Variants in PRR11 observed in about 807,000 individuals in gnomAD.
PRR11 encodes the protein proline-rich protein 11.
Under a neutral mutation model 45.6 loss-of-function variants are expected in PRR11, and 30 were observed. That is an observed-to-expected ratio of 0.66 (90% CI 0.49 to 0.89). PRR11 has a LOEUF of 0.89. PRR11 is among the 40% of genes least tolerant of loss of function. The pLI is 0.00. For missense variants in PRR11, 373 were observed against 424.8 expected, an observed-to-expected ratio of 0.88 and a Z score of 1.07; for synonymous variants, 128 against 153.5, an observed-to-expected ratio of 0.83 and a Z score of 1.23.
chr17:59,180,496 GT>G lies in PRR11; in HGVS notation c.129-4545del, dbSNP rs746347460. Reference sequence around the variant, plus strand: ...CTTCCTGACTTCTGGGCCCGTCCTTGTTTTTTTTTTTTTGTTTTTTTTGTTT... The same window carrying G: ...CTTCCTGACTTCTGGGCCCGTCCTTGTTTTTTTTTTTTGTTTTTTTTGTTT... On this transcript the variant is annotated intron_variant, in intron 2 of 9. Coordinates refer to ENST00000262293, the MANE Select transcript of PRR11 (RefSeq NM_018304.4). 5.1e-4 allele frequency among the ~76,000 whole-genome samples: 52 copies of G among 101,278 alleles called. 1 individual carries two copies. Among genetic ancestry groups the G allele is most frequent in the Admixed American group, 8.4e-4 (9 of 10,678 alleles). The allele number at this position is 101,278 out of a possible 152,430, so 66.4% of individuals were successfully genotyped here. A position where few individuals can be genotyped will look rare whatever the true frequency, so the allele number is the denominator to read the frequency against.
At chr17:59,177,218 C>T (rs546484145) in intron 2 of PRR11, 10 of 547,702 alleles carry the variant, frequency 1.8e-5, no homozygotes, top group Admixed American at 5.8e-5. Context: ...AAGAGGCCGG[C>T]GCGGCTAAAA....
intron 4 of PRR11, among the ~76,000 whole-genome samples, chr17:59,186,605 G>C (rs2046815690): frequency 6.7e-6 from 1 of 148,768 alleles, no homozygotes; most frequent in Non-Finnish European, 1.5e-5. Context: ...TTGTTGCCCA[G>C]GCTAGTCTCA....
chr17:59,200,674 A>G (rs1055018629), intron 9 of PRR11, among the ~76,000 whole-genome samples: 2 of 152,036 alleles, frequency 1.3e-5, no homozygotes, highest in Admixed American at 6.6e-5. Context: ...TTGTATTTTT[A>G]GTAGAGACAG....
intron 2 of PRR11, among the ~76,000 whole-genome samples, chr17:59,179,256 G>T (rs1040719371): frequency 6.6e-6 from 1 of 152,110 alleles, no homozygotes; most frequent in South Asian, 2.1e-4. Context: ...AAAGTGCTGG[G>T]ATTACAGGTT....
chr17:59,172,679 G>A (rs939696963), intron 2 of PRR11, among the ~76,000 whole-genome samples: 4 of 152,250 alleles, frequency 2.6e-5, no homozygotes, highest in Non-Finnish European at 4.4e-5. Context: ...AGCAGCTGCA[G>A]GGGGTGCGCG....
intron 2 of PRR11, chr17:59,174,936 C>T (rs2046735134): frequency 1.0e-6 from 1 of 953,166 alleles, no homozygotes; most frequent in African/African-American, 1.6e-5. Flanking sequence ...CCCACCTCCT[C>T]CACCTACCCC....
Position 59,202,380 on chromosome 17 carries a change from A to G in PRR11, c.*749A>G, listed in dbSNP as rs543567959. ...ATTCAAGACTAGCCTGGGCAACATA[A>G]TACAGGGAGACCCCGTTTCTATTAA... On this transcript the variant is annotated 3_prime_UTR_variant, in exon 10 of 10. Transcript: ENST00000262293. The G allele has an allele frequency of 2.6e-5, 4 of 152,182 alleles. No individual in the cohort carries two copies. Among genetic ancestry groups the G allele is most frequent in the South Asian group, 2.1e-4 (1 of 4,814 alleles). 9.4% of individuals were successfully genotyped at this position (152,182 alleles called of 1,614,324 possible).
At chr17:59,194,976 C>A in intron 6 of PRR11, 121 bp downstream of exon 6, 4 of 736,310 alleles carry the variant, frequency 5.4e-6, no homozygotes, top group Non-Finnish European at 9.1e-6. Context: ...GAGTTCAGGA[C>A]CAGCATGGGG....
chr17:59,173,502 C>T (rs1037102839), intron 2 of PRR11, among the ~76,000 whole-genome samples: 4 of 152,148 alleles, frequency 2.6e-5, no homozygotes, highest in Admixed American at 1.3e-4. Flanking sequence ...ACGAACCCAC[C>T]GGGAGGAACG....
chr17:59,170,814 A>G (rs1219848108), intron 2 of PRR11, among the ~76,000 whole-genome samples: 1 of 152,198 alleles, frequency 6.6e-6, no homozygotes, highest in Non-Finnish European at 1.5e-5. Flanking sequence ...AAAATGTCAC[A>G]TGACAGCAAA....
intron 1 of PRR11, among the ~76,000 whole-genome samples, chr17:59,157,435 C>T (rs1186688837): frequency 6.6e-6 from 1 of 152,200 alleles, no homozygotes; most frequent in Admixed American, 6.5e-5. Flanking sequence ...GGCATGGTGC[C>T]TCACACCTGT....
chr17:59,161,123 TAGGCC>T (rs2046650143), intron 1 of PRR11, among the ~76,000 whole-genome samples: 1 of 152,120 alleles, frequency 6.6e-6, no homozygotes, highest in Non-Finnish European at 1.5e-5. Context: ...AAAAAATACA[TAGGCC>T]AGGCATGGTG....
At chr17:59,175,623 T>C (rs1398976711) in intron 2 of PRR11, among the ~76,000 whole-genome samples, 1 of 152,116 alleles carries the variant, frequency 6.6e-6, no homozygotes, top group African/African-American at 2.4e-5. Context: ...CACCTCTTAG[T>C]CCTAGCTACG....
chr17:59,168,215 C>T (rs1475017976), intron 1 of PRR11, among the ~76,000 whole-genome samples: 1 of 151,756 alleles, frequency 6.6e-6, no homozygotes, highest in African/African-American at 2.4e-5. Context: ...GTCACCCAGG[C>T]TGGAGTGCAG....
chr17:59,158,846 C>T (rs936009503), intron 1 of PRR11, among the ~76,000 whole-genome samples: 2 of 152,048 alleles, frequency 1.3e-5, no homozygotes, highest in African/African-American at 4.8e-5. Flanking sequence ...TCACATTGGC[C>T]CACACCCAGG....
intron 5 of PRR11, among the ~76,000 whole-genome samples, chr17:59,194,131 TTACTTATTTAC>T: frequency 6.6e-6 from 1 of 152,102 alleles, no homozygotes; most frequent in South Asian, 2.1e-4. Context: ...TCTATTTCAG[TTACTTATTTAC>T]CAAGGGGACC....
At chr17:59,174,967 A>C in intron 2 of PRR11, 2 of 856,330 alleles carry the variant, frequency 2.3e-6, no homozygotes, top group Middle Eastern at 2.5e-4. Flanking sequence ...ACCTCCTCCA[A>C]CTACTCCAGG....
At chr17:59,171,824 A>T (rs2046710402) in intron 2 of PRR11, among the ~76,000 whole-genome samples, 1 of 152,106 alleles carries the variant, frequency 6.6e-6, no homozygotes, top group Non-Finnish European at 1.5e-5. Context: ...AATAGAAGAG[A>T]TTATTATGTA....
intron 4 of PRR11, among the ~76,000 whole-genome samples, chr17:59,189,073 T>C (rs1257573427): frequency 4.6e-5 from 7 of 151,698 alleles, no homozygotes; most frequent in Non-Finnish European, 7.4e-5. Context: ...CCAAGGTGGT[T>C]GGATCACTTG....
Sources: allele counts gnomAD v4.1 joint callset (sites outside exome capture counted in the v4.1 genomes callset), GRCh38; gene constraint gnomAD v4.1.1; transcripts MANE v1.5; gene names NCBI Gene and HGNC (gene_info 2026-07-23, HGNC 2026-07-21).